The following MPP7 variants were observed in gnomAD, a reference collection of about 807,000 sequenced individuals.
MPP7 encodes the protein MAGUK p55 scaffold protein 7.
In MPP7, 60 loss-of-function variants were observed where a neutral mutation model predicts 76.5. The observed-to-expected ratio is 0.78, with a 90% CI of 0.64 to 0.97. The LOEUF (loss-of-function observed/expected upper bound fraction) is 0.97. Ranked by LOEUF, MPP7 falls within the 50% of genes least tolerant of loss-of-function variation. MPP7 has a pLI of 0.00. For missense variants in MPP7, 641 were observed against 694.0 expected (o/e 0.92, Z 0.86); for synonymous variants, 237 against 244.5 (o/e 0.97, Z 0.29).
intron 2 of MPP7, among the ~76,000 whole-genome samples, chr10:28,321,914 A>G (rs959208500): frequency 2.0e-5 from 3 of 149,716 alleles, no homozygotes; most frequent in Non-Finnish European, 4.4e-5. Context: ...TTTAGACTGC[A>G]TTATACCTGT....
At chr10:28,279,411 A>G (rs1339575322) in intron 1 of MPP7, among the ~76,000 whole-genome samples, 1 of 151,976 alleles carries the variant, frequency 6.6e-6, no homozygotes, top group African/African-American at 2.4e-5. Context: ...TCATTGGCTC[A>G]CTACAGAAAT....
chr10:28,205,940 T>C (rs546000574), intron 2 of MPP7, among the ~76,000 whole-genome samples: 1 of 152,134 alleles, frequency 6.6e-6, no homozygotes, highest in African/African-American at 2.4e-5. Context: ...TGGGAATGGG[T>C]TCATTATATG....
intron 11 of MPP7, among the ~76,000 whole-genome samples, chr10:28,099,022 C>T (rs757882358): frequency 4.6e-5 from 7 of 152,110 alleles, no homozygotes; most frequent in Non-Finnish European, 8.8e-5. Context: ...CTCACAAACA[C>T]ATAATTTCAA....
intron 1 of MPP7, among the ~76,000 whole-genome samples, chr10:28,240,928 A>C (rs1281863348): frequency 6.6e-6 from 1 of 152,120 alleles, no homozygotes; most frequent in Non-Finnish European, 1.5e-5. Context: ...ATATGCATGT[A>C]TGTTTGTGAG....
intron 2 of MPP7, among the ~76,000 whole-genome samples, chr10:28,328,121 A>G (rs1834435746): frequency 1.3e-5 from 2 of 152,182 alleles, no homozygotes; most frequent in African/African-American, 4.8e-5. Context: ...CAGTCTTGGT[A>G]CTTGGCTAAT....
chr10:28,173,086 C>A (rs1169711413), intron 3 of MPP7, among the ~76,000 whole-genome samples: 1 of 151,856 alleles, frequency 6.6e-6, no homozygotes, highest in African/African-American at 2.4e-5. Context: ...GGGGGAGGAA[C>A]AACAGTGGCA....
intron 1 of MPP7, among the ~76,000 whole-genome samples, chr10:28,298,695 C>T (rs1426145662): frequency 6.6e-6 from 1 of 152,226 alleles, no homozygotes; most frequent in Non-Finnish European, 1.5e-5. Flanking sequence ...GAAGCACTGA[C>T]TTCCTTCTAG....
rs201809680 is a variant in MPP7, at chr10:28,056,564, T to G, written c.1467A>C (p.Pro489=). The stretch of plus-strand genomic sequence containing the variant: ...TTGTTTCTCTCAAACGCTCTATTGA[T>G]GGAGGCTTTATAAATATCACATAGG... ...FKPYVIFIKP[P]SIERLRETRK... Residue 489 remains proline (P), a synonymous_variant, in exon 16 of 17, where the codon CCA becomes CCC. Transcript: ENST00000683449. 87 of 1,611,732 alleles carry G rather than the reference T, an allele frequency of 5.4e-5. No homozygotes were observed. Among genetic ancestry groups the G allele is most frequent in the Middle Eastern group, 1.6e-4 (1 of 6,076 alleles).
intron 2 of MPP7, among the ~76,000 whole-genome samples, chr10:28,319,345 C>T (rs1209450518): frequency 6.6e-6 from 1 of 152,160 alleles, no homozygotes; most frequent in African/African-American, 2.4e-5. Context: ...TTTGATTGGG[C>T]ACACAGAGCC....
At chr10:28,210,860 A>G (rs940910531) in intron 2 of MPP7, among the ~76,000 whole-genome samples, 1 of 152,230 alleles carries the variant, frequency 6.6e-6, no homozygotes, top group African/African-American at 2.4e-5. Flanking sequence ...ATGTAAGACC[A>G]TAATCTTAAT....
At chr10:28,191,742 CTAGT>C (rs1422556525) in intron 3 of MPP7, among the ~76,000 whole-genome samples, 3 of 152,198 alleles carry the variant, frequency 2.0e-5, no homozygotes, top group African/African-American at 7.2e-5. Flanking sequence ...TCTGCAAAAT[CTAGT>C]TAAACATTCA....
At chr10:28,334,323 T>C (rs1414940595) in intron 1 of MPP7, 1 of 152,220 alleles carries the variant, frequency 6.6e-6, no homozygotes, top group Non-Finnish European at 1.5e-5. Context: ...AAAGTAATCA[T>C]TTTAATTCAA....
chr10:28,321,499 G>C (rs959738624), intron 2 of MPP7, among the ~76,000 whole-genome samples: 19 of 152,200 alleles, frequency 1.2e-4, no homozygotes, highest in African/African-American at 4.1e-4. Context: ...GCAGAGCTGG[G>C]AGTCAAACTG....
At chr10:28,113,624 G>A (rs1316836790) in intron 11 of MPP7, among the ~76,000 whole-genome samples, 1 of 152,038 alleles carries the variant, frequency 6.6e-6, no homozygotes, top group African/African-American at 2.4e-5. Flanking sequence ...AGTATCCCAA[G>A]AAAGGCACAC....
At chr10:28,101,510 T>A (rs1853824276) in intron 11 of MPP7, among the ~76,000 whole-genome samples, 1 of 151,736 alleles carries the variant, frequency 6.6e-6, no homozygotes, top group Admixed American at 6.6e-5. Flanking sequence ...AAATGGACAG[T>A]TTCATTTTTA....
chr10:28,299,896 A>T (rs1030250695), intron 1 of MPP7, among the ~76,000 whole-genome samples: 2 of 151,184 alleles, frequency 1.3e-5, no homozygotes, highest in African/African-American at 4.9e-5. Flanking sequence ...CCTCCCGAGT[A>T]GCTGGGATTA....
At chr10:28,069,680 A>C (rs1852141360) in intron 13 of MPP7, 92 bp downstream of exon 13, 2 of 1,090,814 alleles carry the variant, frequency 1.8e-6, no homozygotes, top group Non-Finnish European at 2.6e-6. Context: ...AAAAATTTTA[A>C]AAACAAGTTA....
At chr10:28,103,638 C>G (rs1381143941) in intron 11 of MPP7, among the ~76,000 whole-genome samples, 1 of 152,166 alleles carries the variant, frequency 6.6e-6, no homozygotes, top group Non-Finnish European at 1.5e-5. Context: ...TTTGTCTCCA[C>G]TCCTACTCCC....
intron 1 of MPP7, chr10:28,280,096 T>C (rs1296660641): frequency 6.6e-6 from 1 of 152,030 alleles, no homozygotes; most frequent in African/African-American, 2.4e-5. Flanking sequence ...ACTACACTTC[T>C]TACCAGCCAG....
Sources: gnomAD v4.1 joint callset for allele counts (sites outside exome capture counted in the v4.1 genomes callset) on GRCh38, gnomAD v4.1.1 for gene constraint, MANE v1.5 for transcripts, NCBI Gene and HGNC (gene_info 2026-07-23, HGNC 2026-07-21) for gene names.